Variants in DHRS3 observed in about 807,000 individuals in gnomAD.
DHRS3 encodes short-chain dehydrogenase/reductase 3.
In DHRS3, 14 loss-of-function variants were observed where a neutral mutation model predicts 27.2. That is an observed-to-expected ratio of 0.52 (90% confidence interval 0.34 to 0.81). The LOEUF (loss-of-function observed/expected upper bound fraction) is 0.81. Ranked by LOEUF, DHRS3 falls within the 30% of genes least tolerant of loss-of-function variation. The probability of loss-of-function intolerance (pLI) is 0.01; values close to 1 mark genes in which losing one functional copy is unlikely to be tolerated. For missense variants in DHRS3, 322 were observed against 406.2 expected (o/e 0.79, Z 1.78); for synonymous variants, 165 against 175.9 (o/e 0.94, Z 0.49).
At chr1:12,617,069 C>T in intron 1 of DHRS3, 85 bp downstream of exon 1, 6 of 1,450,156 alleles carry the variant, frequency 4.1e-6, no homozygotes, top group African/African-American at 1.4e-5. Flanking sequence ...TCTCAGCTCC[C>T]GGGCGCGGGA....
intron 1 of DHRS3, among the ~76,000 whole-genome samples, chr1:12,604,853 A>G (rs1264397461): frequency 6.6e-6 from 1 of 152,136 alleles, no homozygotes; most frequent in Non-Finnish European, 1.5e-5. Context: ...GATCGAGACC[A>G]TCCTGGCCAA....
intron 1 of DHRS3, among the ~76,000 whole-genome samples, chr1:12,607,863 G>T (rs1168749306): frequency 6.6e-6 from 1 of 151,334 alleles, no homozygotes; most frequent in African/African-American, 2.4e-5. Flanking sequence ...GTGTGTGTAT[G>T]TGTGTGTGTG....
rs1646565242 is a variant in DHRS3, at chr1:12,574,151, C to T, written c.699-1298G>A. Among the ~76,000 whole-genome samples the T allele has an allele frequency of 6.6e-6, 1 of 152,140 alleles. No individual in the cohort carries two copies. Among genetic ancestry groups the T allele is most frequent in the Non-Finnish European group, 1.5e-5 (1 of 68,018 alleles). The stretch of plus-strand genomic sequence containing the variant: ...ACCCCCTGCCCTGTAATTCCTTTGT[C>T]ATCACAATGATGATTCTTTTTTTAT... On this transcript the variant is annotated intron_variant, in intron 4 of 5. Coordinates refer to ENST00000616661, the MANE Select transcript of DHRS3 (RefSeq NM_004753.7). This position sits in a 1 kb window ranked among gnomAD's most constrained non-coding sequence, Gnocchi z 4.6.
rs573274216 is a variant in DHRS3 at position 12,568,273 on chromosome 1, C to G, written c.*67G>C. 4 of 1,420,794 alleles carry G rather than the reference C, an allele frequency of 2.8e-6. No individual in the cohort carries two copies. Among genetic ancestry groups the G allele is most frequent in the Middle Eastern group, 1.8e-4 (1 of 5,690 alleles). 88.0% of individuals were successfully genotyped at this position (1,420,794 alleles called of 1,614,324 possible). A position where few individuals can be genotyped will look rare whatever the true frequency, so the allele number is the denominator to read the frequency against. ...AGAAGCATGCCAATGGACAGGTGCTCGGGTGTGTGCCCAGGTGCTGTGGCC... is the reference window on the plus strand; with the variant it reads ...AGAAGCATGCCAATGGACAGGTGCTGGGGTGTGTGCCCAGGTGCTGTGGCC... On this transcript the variant is annotated 3_prime_UTR_variant, in exon 6 of 6. Coordinates refer to ENST00000616661, the MANE Select transcript of DHRS3 (RefSeq NM_004753.7).
At position 12,592,134 on chromosome 1, in the gene DHRS3, C is replaced by A. The variant is rs1482586517; in HGVS notation, c.196-11468G>T. The stretch of plus-strand genomic sequence containing the variant: ...CCAAGTGGGCGGGGTGGGACTGTGA[C>A]AAGCACTCACCGCCACCACAGTGAA... On this transcript the variant is annotated intron_variant, in intron 1 of 5. Transcript: ENST00000616661. This position sits in a 1 kb window ranked among gnomAD's most constrained non-coding sequence, Gnocchi z 4.2. 6.6e-6 allele frequency among the ~76,000 whole-genome samples: 1 copy of A among 152,162 alleles called. No homozygotes were observed. The highest frequency in any genetic ancestry group is 2.4e-5 in the African/African-American group (1 of 41,446).
chr1:12,606,180 TGG>T (rs1646870031), intron 1 of DHRS3, among the ~76,000 whole-genome samples: 1 of 147,050 alleles, frequency 6.8e-6, no homozygotes, highest in Non-Finnish European at 1.5e-5. Flanking sequence ...AGTTAATAAA[TGG>T]ATAACTTGTT....
intron 1 of DHRS3, among the ~76,000 whole-genome samples, chr1:12,607,435 C>T (rs1646879025): frequency 6.6e-6 from 1 of 152,150 alleles, no homozygotes; most frequent in African/African-American, 2.4e-5. Context: ...AGTGAGGGAG[C>T]TCTCACGTGA....
At chr1:12,616,663 A>G in intron 1 of DHRS3, 1 of 995,596 alleles carries the variant, frequency 1.0e-6, no homozygotes, top group African/African-American at 1.7e-5. Context: ...ACCCAAACCA[A>G]GTACCCTCTC....
intron 1 of DHRS3, among the ~76,000 whole-genome samples, chr1:12,599,771 C>T (rs972986333): frequency 2.0e-5 from 3 of 152,222 alleles, no homozygotes; most frequent in Non-Finnish European, 2.9e-5. Context: ...TAGGCACAGC[C>T]AGGTTTCCTT....
chr1:12,616,832 G>A (rs1295963526), intron 1 of DHRS3: 20 of 972,302 alleles, frequency 2.1e-5, no homozygotes, highest in Non-Finnish European at 2.6e-5. Context: ...GGAAGGCGGG[G>A]GAGGGGGGCA....
At chr1:12,582,855 ATCCATCCATCCATCCATCCC>A (rs1646656017) in intron 1 of DHRS3, among the ~76,000 whole-genome samples, 1 of 149,026 alleles carries the variant, frequency 6.7e-6, no homozygotes, top group Non-Finnish European at 1.5e-5. Context: ...CCATCCATCC[ATCCATCCATCCATCCATCCC>A]TCCCTCCCTC....
At chr1:12,597,373 G>A (rs1296400667) in intron 1 of DHRS3, among the ~76,000 whole-genome samples, 4 of 152,120 alleles carry the variant, frequency 2.6e-5, no homozygotes, top group Admixed American at 2.6e-4. Flanking sequence ...CATGGCGCCC[G>A]GCCTGAAATG....
In DHRS3 at chr1:12,586,591, A is replaced by T. The variant is rs147789044; in HGVS notation, c.196-5925T>A. Among the ~76,000 whole-genome samples the T allele has an allele frequency of 1.0e-4, 16 of 152,384 alleles. No homozygotes were observed. The highest frequency in any genetic ancestry group is 3.8e-4 in the African/African-American group (16 of 41,584). ...GAAGACAGAGAAGGAACCAGAAAAC[A>T]GTCAGTCACAAATGACAGTAAGTGG... On this transcript the variant is annotated intron_variant, in intron 1 of 5. Transcript: ENST00000616661. The surrounding 1 kb of genome is among the most constrained non-coding windows in gnomAD (Gnocchi z 5.0).
At chr1:12,599,493 C>T (rs1646821338) in intron 1 of DHRS3, among the ~76,000 whole-genome samples, 2 of 152,258 alleles carry the variant, frequency 1.3e-5, no homozygotes, top group Admixed American at 1.3e-4. Context: ...GTCGTGCATC[C>T]TGTAGAAAGC....
rs555265745 is a variant in DHRS3, at chr1:12,593,656, C to T, written c.196-12990G>A. Reference sequence around the variant, plus strand: ...GTTGCTGAGACAGGCATGTCTCCCCCTGTGATGAGCACCTAGTGTTCCTGA... The same window carrying T: ...GTTGCTGAGACAGGCATGTCTCCCCTTGTGATGAGCACCTAGTGTTCCTGA... On this transcript the variant is annotated intron_variant, in intron 1 of 5. Transcript: ENST00000616661. The surrounding 1 kb of genome is among the most constrained non-coding windows in gnomAD (Gnocchi z 4.6). Among the ~76,000 whole-genome samples, 1 of 152,292 alleles carries T rather than the reference C, an allele frequency of 6.6e-6. No homozygotes were observed. Among genetic ancestry groups the T allele is most frequent in the South Asian group, 2.1e-4 (1 of 4,822 alleles).
chr1:12,597,356 C>T lies in DHRS3; in HGVS notation c.196-16690G>A, dbSNP rs556700117. The stretch of plus-strand genomic sequence containing the variant: ...CCTTCCAAAGTGTTGGGATTACAGG[C>T]GTGAGCCATGGCGCCCGGCCTGAAA... On this transcript the variant is annotated intron_variant, in intron 1 of 5. Coordinates refer to ENST00000616661, the MANE Select transcript of DHRS3 (RefSeq NM_004753.7). 4.6e-5 allele frequency among the ~76,000 whole-genome samples: 7 copies of T among 152,340 alleles called. No homozygotes were observed. In the South Asian group the frequency reaches 8.3e-4, roughly 18 times the overall value.
At chr1:12,614,925 C>T (rs1324153980) in intron 1 of DHRS3, among the ~76,000 whole-genome samples, 1 of 152,082 alleles carries the variant, frequency 6.6e-6, no homozygotes, top group Non-Finnish European at 1.5e-5. Context: ...GGCACTGGAC[C>T]TCTCTGGTCT....
intron 4 of DHRS3, among the ~76,000 whole-genome samples, chr1:12,577,715 C>T (rs1019860039): frequency 1.3e-5 from 2 of 152,126 alleles, no homozygotes; most frequent in Non-Finnish European, 1.5e-5. Context: ...CCCAGCTACT[C>T]GGGAGGCTGA....
intron 4 of DHRS3, among the ~76,000 whole-genome samples, chr1:12,577,182 G>A (rs1646596293): frequency 6.6e-6 from 1 of 152,120 alleles, no homozygotes; most frequent in South Asian, 2.1e-4. Flanking sequence ...AAACCAGGGA[G>A]AATAGTATTT....
Sources: allele counts gnomAD v4.1 joint callset (sites outside exome capture counted in the v4.1 genomes callset), GRCh38; gene constraint gnomAD v4.1.1; non-coding constraint Gnocchi (gnomAD v3.1); transcripts MANE v1.5; gene names NCBI Gene and HGNC (gene_info 2026-07-23, HGNC 2026-07-21).